Variants in AKAP13 observed in about 807,000 individuals in gnomAD.
The protein encoded by AKAP13 is A-kinase anchoring protein 13.
Under a neutral mutation model 264.5 loss-of-function variants are expected in AKAP13, and 80 were observed. The ratio of observed to expected loss-of-function variants is 0.30; its 90% CI spans 0.25 to 0.36. The LOEUF is 0.36. Ranked by LOEUF, AKAP13 falls within the 10% of genes least tolerant of loss-of-function variation. AKAP13 has a pLI of 1.00. For missense variants in AKAP13, 3,712 were observed against 3,435.2 expected, an observed-to-expected ratio of 1.08 and a Z score of -2.01; for synonymous variants, 1,380 against 1,250.2, an observed-to-expected ratio of 1.10 and a Z score of -2.19.
At chr15:85,590,141 T>TTCATTGAA (rs540357977) in intron 8 of AKAP13, among the ~76,000 whole-genome samples, 4 of 152,242 alleles carry the variant, frequency 2.6e-5, no homozygotes, top group Admixed American at 6.5e-5. Flanking sequence ...CAGTCATTGC[T>TTCATTGAA]TCATTGAATC....
rs909646644 is a variant in AKAP13, at chr15:85,746,754, C to G, written c.*2077C>G. The stretch of plus-strand genomic sequence containing the variant: ...TGAGATCTACCCGGGGCTTGGCTGT[C>G]TGTTCTGGGCACTGGCTCCGAGTTC... On this transcript the variant is annotated 3_prime_UTR_variant, in exon 37 of 37. Transcript: ENST00000394518. The G allele has an allele frequency of 6.6e-6, 1 of 152,196 alleles. No individual in the cohort carries two copies. The highest frequency in any genetic ancestry group is 2.4e-5 in the African/African-American group (1 of 41,440). The allele number at this position is 152,196 out of a possible 1,614,324, so 9.4% of individuals were successfully genotyped here.
chr15:85,669,295 A>G (rs2083785416), intron 13 of AKAP13, among the ~76,000 whole-genome samples: 2 of 152,258 alleles, frequency 1.3e-5, no homozygotes, highest in African/African-American at 2.4e-5. Context: ...ATTCTACTAT[A>G]TCTGTATGAA....
chr15:85,562,041 G>A (rs1355332035), intron 5 of AKAP13, among the ~76,000 whole-genome samples: 4 of 152,194 alleles, frequency 2.6e-5, no homozygotes, highest in Admixed American at 1.3e-4. Flanking sequence ...TGTTAGGCAA[G>A]TTACTACATT....
At chr15:85,450,872 C>A (rs1489124919) in intron 1 of AKAP13, among the ~76,000 whole-genome samples, 1 of 152,094 alleles carries the variant, frequency 6.6e-6, no homozygotes, top group Non-Finnish European at 1.5e-5. Flanking sequence ...CTGTCAGATC[C>A]ATTTGGTTCA....
At position 85,645,826 on chromosome 15, in the gene AKAP13, A is replaced by C; in HGVS notation, c.4246A>C (p.Asn1416His). 1 of 1,593,960 alleles carries C rather than the reference A, an allele frequency of 6.3e-7. No homozygotes were observed. Among genetic ancestry groups the C allele is most frequent in the Middle Eastern group, 1.7e-4 (1 of 5,970 alleles). The change falls in exon 10 of 37, where the codon AAC (asparagine) becomes CAC (histidine). Residue 1416 changes from asparagine to histidine, a missense_variant. Physicochemically the swap from Asn to His is moderately conservative, Grantham distance 68. Transcript: ENST00000394518. ...LASKQSPECE[N>H]FLDVGLGREC... is the part of the protein sequence containing the mutation. ...TAAATTCTCTTTTTCAGAATGTGAG[A>C]ACTTCCTGGATGTTGGACTGGGCAG...
intron 3 of AKAP13, among the ~76,000 whole-genome samples, chr15:85,528,096 T>C (rs2077138546): frequency 6.6e-6 from 1 of 152,202 alleles, no homozygotes; most frequent in African/African-American, 2.4e-5. Context: ...GAAGTAATTC[T>C]TGGGCTGTGC....
At chr15:85,396,903 T>TG (rs1316127532) in intron 1 of AKAP13, among the ~76,000 whole-genome samples, 1 of 90,756 alleles carries the variant, frequency 1.1e-5, no homozygotes, top group Non-Finnish European at 2.0e-5. Flanking sequence ...ATGTTAGACT[T>TG]TTTTTTTTTT....
intron 8 of AKAP13, chr15:85,619,939 C>T: frequency 7.0e-7 from 1 of 1,436,714 alleles, no homozygotes; most frequent in Non-Finnish European, 9.1e-7. Flanking sequence ...TGTTTTTGAC[C>T]CCTTTGAGAG....
chr15:85,660,748 G>A (rs536332042), intron 12 of AKAP13, among the ~76,000 whole-genome samples: 14 of 152,140 alleles, frequency 9.2e-5, no homozygotes, highest in Non-Finnish European at 1.8e-4. Context: ...CCAGCGAAGT[G>A]TCTCCACTAT....
At chr15:85,408,148 G>A (rs2071764808) in intron 1 of AKAP13, among the ~76,000 whole-genome samples, 1 of 151,582 alleles carries the variant, frequency 6.6e-6, no homozygotes, top group African/African-American at 2.4e-5. Context: ...AAGTGGTAAT[G>A]TTTACATTTG....
At chr15:85,681,650 A>G (rs1028840599) in intron 14 of AKAP13, among the ~76,000 whole-genome samples, 1 of 150,018 alleles carries the variant, frequency 6.7e-6, no homozygotes, top group Non-Finnish European at 1.5e-5. Flanking sequence ...CGAAGACTTG[A>G]TAAGCCAGCT....
rs117297761 is a variant in AKAP13, at chr15:85,447,732, A to G, written c.-11-37978A>G. Among the ~76,000 whole-genome samples, 928 of 152,308 alleles carry G rather than the reference A, an allele frequency of 6.1e-3. 6 individuals are homozygous for G. Among genetic ancestry groups the G allele is most frequent in the South Asian group, 0.02 (96 of 4,826 alleles). On this transcript the variant is annotated intron_variant, in intron 1 of 36. Transcript: ENST00000394518. Reference sequence around the variant, plus strand: ...TTTTTAATGGCTATGTAATATTTCAAGATGTATATGTACCACATTTTCTTT... The same window carrying G: ...TTTTTAATGGCTATGTAATATTTCAGGATGTATATGTACCACATTTTCTTT...
intron 14 of AKAP13, among the ~76,000 whole-genome samples, chr15:85,681,419 CTTCT>C (rs1436541500): frequency 3.3e-5 from 5 of 152,040 alleles, no homozygotes; most frequent in African/African-American, 1.2e-4. Flanking sequence ...AATAATATTC[CTTCT>C]ATTTTTTCTT....
At chr15:85,736,252 C>A in intron 33 of AKAP13, 118 bp downstream of exon 33, 4 of 789,354 alleles carry the variant, frequency 5.1e-6, no homozygotes, top group Admixed American at 2.6e-5. Context: ...TAACTGCTGG[C>A]TATCATCTGT....
chr15:85,701,927 C>T (rs1371019207), intron 17 of AKAP13, among the ~76,000 whole-genome samples: 2 of 152,022 alleles, frequency 1.3e-5, no homozygotes, highest in African/African-American at 2.4e-5. Flanking sequence ...TTATGTAAGA[C>T]AGTCTGCAGC....
Position 85,430,601 on chromosome 15 carries a change from A to C in AKAP13, c.-12+49803A>C, listed in dbSNP as rs114451567. On this transcript the variant is annotated intron_variant, in intron 1 of 36. Transcript: ENST00000394518. ...CTGTCTTGAAGTTTTAGTCATTCCT[A>C]CTCTTGTGGTTGGAGTGATACTGTG... is the stretch of plus-strand genomic sequence containing the variant. Among the ~76,000 whole-genome samples, 240 of 151,682 alleles carry C rather than the reference A, an allele frequency of 1.6e-3. 1 individual carries two copies. The highest frequency in any genetic ancestry group is 5.3e-3 in the African/African-American group (217 of 41,332).
At chr15:85,680,335 A>T (rs1311150093) in intron 14 of AKAP13, among the ~76,000 whole-genome samples, 3 of 152,088 alleles carry the variant, frequency 2.0e-5, no homozygotes, top group African/African-American at 7.2e-5. Flanking sequence ...CTAATGCATC[A>T]TAAGATTAAA....
intron 5 of AKAP13, among the ~76,000 whole-genome samples, chr15:85,572,442 G>A (rs1044517866): frequency 6.6e-6 from 1 of 152,044 alleles, no homozygotes; most frequent in African/African-American, 2.4e-5. Flanking sequence ...TTTTACAAGT[G>A]CTTTTCTGTT....
chr15:85,578,262 T>G (rs2079080093), intron 6 of AKAP13, among the ~76,000 whole-genome samples: 1 of 152,212 alleles, frequency 6.6e-6, no homozygotes, highest in African/African-American at 2.4e-5. Context: ...CAGCCTGGCC[T>G]CAGAATGAGA....
Sources: gnomAD v4.1 joint callset for allele counts (sites outside exome capture counted in the v4.1 genomes callset) on GRCh38, gnomAD v4.1.1 for gene constraint, MANE v1.5 for transcripts, NCBI Gene and HGNC (gene_info 2026-07-23, HGNC 2026-07-21) for gene names.